TAFA2: variants seen among roughly 807,000 people sequenced by gnomAD.
The protein encoded by TAFA2 is chemokine-like protein TAFA-2.
Under a neutral mutation model 18.8 loss-of-function variants are expected in TAFA2, and 7 were observed. That is an observed-to-expected ratio of 0.37 (90% CI 0.21 to 0.70). The LOEUF (loss-of-function observed/expected upper bound fraction) is 0.70. Ranked by LOEUF, TAFA2 falls within the 30% of genes least tolerant of loss-of-function variation. TAFA2 has a pLI of 0.53. For missense variants in TAFA2, 122 were observed against 158.1 expected, an observed-to-expected ratio of 0.77 and a Z score of 1.23; for synonymous variants, 60 against 54.2, an observed-to-expected ratio of 1.11 and a Z score of -0.47.
chr12:61,897,484 G>A (rs1875901484), intron 1 of TAFA2, among the ~76,000 whole-genome samples: 2 of 152,166 alleles, frequency 1.3e-5, no homozygotes, highest in African/African-American at 4.8e-5. Flanking sequence ...GAAGCCTCAG[G>A]AAACTTACTA....
chr12:61,926,896 T>C (rs1376777389), intron 1 of TAFA2, among the ~76,000 whole-genome samples: 1 of 151,366 alleles, frequency 6.6e-6, no homozygotes, highest in East Asian at 1.9e-4. Flanking sequence ...CATGGTGAAA[T>C]CCTGTCTCTA....
chr12:62,099,204 C>A (rs1869079945), intron 1 of TAFA2, among the ~76,000 whole-genome samples: 1 of 151,878 alleles, frequency 6.6e-6, no homozygotes, highest in African/African-American at 2.4e-5. Flanking sequence ...TAGTGTAAGT[C>A]TATAGAACAT....
upstream of TAFA2, among the ~76,000 whole-genome samples, chr12:62,194,203 T>C (rs1379343549): frequency 6.6e-6 from 1 of 152,134 alleles, no homozygotes; most frequent in East Asian, 1.9e-4. Flanking sequence ...CTGTGTTCAA[T>C]AGTGTGATGA....
chr12:62,220,148 G>C (rs1005545989), intron 1 of TAFA2, among the ~76,000 whole-genome samples: 9 of 151,796 alleles, frequency 5.9e-5, no homozygotes, highest in African/African-American at 2.2e-4. Flanking sequence ...GTTAGAACTA[G>C]AACAAAGTAA....
chr12:61,935,653 T>G (rs894053007), intron 1 of TAFA2, among the ~76,000 whole-genome samples: 2 of 152,192 alleles, frequency 1.3e-5, no homozygotes, highest in Non-Finnish European at 2.9e-5. Context: ...TATTTCTCAT[T>G]TTTTGAAAGA....
intron 2 of TAFA2, among the ~76,000 whole-genome samples, chr12:61,843,235 C>T (rs1873263053): frequency 6.6e-6 from 1 of 152,024 alleles, no homozygotes; most frequent in African/African-American, 2.4e-5. Flanking sequence ...TCTGGGACCC[C>T]TGAGCCAGAT....
intron 1 of TAFA2, among the ~76,000 whole-genome samples, chr12:61,911,110 T>G (rs1876592276): frequency 6.6e-6 from 1 of 152,202 alleles, no homozygotes; most frequent in African/African-American, 2.4e-5. Flanking sequence ...GCACTTTACC[T>G]TACACTTTCT....
chr12:61,773,049 C>T (rs1372159538), intron 2 of TAFA2, among the ~76,000 whole-genome samples: 2 of 151,904 alleles, frequency 1.3e-5, no homozygotes, highest in Non-Finnish European at 2.9e-5. Flanking sequence ...AGTAGCACTG[C>T]TATACACCAA....
chr12:61,778,989 C>T (rs1004991871), intron 2 of TAFA2, among the ~76,000 whole-genome samples: 3 of 151,922 alleles, frequency 2.0e-5, no homozygotes, highest in African/African-American at 4.8e-5. Context: ...AAACAAGTTA[C>T]GTTTTCAAAG....
intron 1 of TAFA2, among the ~76,000 whole-genome samples, chr12:62,208,809 T>A (rs2062702303): frequency 6.6e-6 from 1 of 152,198 alleles, no homozygotes; most frequent in Admixed American, 6.5e-5. Flanking sequence ...TTATTGACTG[T>A]CTTGAGCCAT....
intron 4 of TAFA2, among the ~76,000 whole-genome samples, chr12:61,743,855 G>A (rs547803280): frequency 6.6e-6 from 1 of 151,894 alleles, no homozygotes; most frequent in South Asian, 2.1e-4. Context: ...ATGGGAGAAC[G>A]TACATAGGAA....
At chr12:61,838,629 G>A (rs1346019479) in intron 2 of TAFA2, among the ~76,000 whole-genome samples, 3 of 151,944 alleles carry the variant, frequency 2.0e-5, no homozygotes, top group African/African-American at 2.4e-5. Context: ...TCATCCTACT[G>A]AAGCACAAAG....
chr12:61,797,943 C>A (rs1871252515), intron 2 of TAFA2, among the ~76,000 whole-genome samples: 1 of 152,138 alleles, frequency 6.6e-6, no homozygotes, highest in Non-Finnish European at 1.5e-5. Context: ...TATACAGTGT[C>A]TACTCATATA....
rs925112669 is a variant in TAFA2, at chr12:61,709,280, C to A, written c.*1126G>T. 1 of 152,348 alleles carries A rather than the reference C, an allele frequency of 6.6e-6. No homozygotes were observed. Among genetic ancestry groups the A allele is most frequent in the African/African-American group, 2.4e-5 (1 of 41,422 alleles). The allele number at this position is 152,348 out of a possible 1,614,324, so 9.4% of individuals were successfully genotyped here. On this transcript the variant is annotated 3_prime_UTR_variant, in exon 5 of 5. Coordinates refer to ENST00000416284, the MANE Select transcript of TAFA2 (RefSeq NM_178539.5). Reference sequence around the variant, plus strand: ...AAAATGTCACAAAATATTGGCCTAACAAATTGTTTGAATAGGAAAACTGTA... The same window carrying A: ...AAAATGTCACAAAATATTGGCCTAAAAAATTGTTTGAATAGGAAAACTGTA...
chr12:62,029,848 G>A lies in TAFA2; in HGVS notation c.-2+161411C>T, dbSNP rs547413655. Among the ~76,000 whole-genome samples the A allele has an allele frequency of 3.4e-5, 5 of 147,348 alleles. No homozygotes were observed. In the East Asian group the frequency reaches 1.0e-3, roughly 30 times the overall value. On this transcript the variant is annotated intron_variant, in intron 1 of 4. Coordinates refer to ENST00000416284, the MANE Select transcript of TAFA2 (RefSeq NM_178539.5). ...CTCTCTCTCTCTCTCTCTCTGTCAT[G>A]CAGACACACACACACCCCATGCAGG...
intron 1 of TAFA2, chr12:62,252,549 T>A (rs2062919284): frequency 6.6e-6 from 1 of 152,190 alleles, no homozygotes; most frequent in African/African-American, 2.4e-5. Flanking sequence ...CAGGACCACC[T>A]CTACTTCTAC....
intron 1 of TAFA2, chr12:62,136,059 A>G (rs1244844777): frequency 1.3e-5 from 2 of 152,182 alleles, no homozygotes; most frequent in East Asian, 3.9e-4. Flanking sequence ...TTTGCATGCA[A>G]TCTTTCAACT....
chr12:61,747,762 G>T (rs1868797346), intron 4 of TAFA2, among the ~76,000 whole-genome samples: 6 of 150,176 alleles, frequency 4.0e-5, no homozygotes, highest in Admixed American at 6.6e-5. Flanking sequence ...TATACCTAAT[G>T]CTAGATGACG....
At chr12:62,098,015 T>C (rs1869023098) in intron 1 of TAFA2, among the ~76,000 whole-genome samples, 1 of 152,134 alleles carries the variant, frequency 6.6e-6, no homozygotes, top group Admixed American at 6.5e-5. Context: ...TGACAATATA[T>C]ATAACTTTAA....
Sources: gnomAD v4.1 joint callset for allele counts (sites outside exome capture counted in the v4.1 genomes callset) on GRCh38, gnomAD v4.1.1 for gene constraint, MANE v1.5 for transcripts, NCBI Gene and HGNC (gene_info 2026-07-23, HGNC 2026-07-21) for gene names.